LIFR: variants seen among roughly 807,000 people sequenced by gnomAD.
The protein encoded by LIFR is LIF receptor subunit alpha, also known as leukemia inhibitory factor receptor.
Under a neutral mutation model 122.2 loss-of-function variants are expected in LIFR, and 84 were observed. The observed-to-expected ratio is 0.69, with a 90% confidence interval of 0.58 to 0.82. The LOEUF (loss-of-function observed/expected upper bound fraction) is 0.82, where lower values mean the gene tolerates loss of function less well. Ranked by LOEUF, LIFR falls within the 40% of genes least tolerant of loss-of-function variation. The pLI, the probability that LIFR is intolerant of heterozygous loss-of-function variation, is 0.00. For synonymous variants in LIFR, 422 were observed against 434.7 expected (o/e 0.97, Z 0.36); for missense variants, 1,294 against 1,311.6 (o/e 0.99, Z 0.21).
chr5:38,484,095 A>T (rs1744143725), intron 18 of LIFR, among the ~76,000 whole-genome samples: 1 of 152,158 alleles, frequency 6.6e-6, no homozygotes, highest in South Asian at 2.1e-4. Flanking sequence ...AGAAATAATT[A>T]TCTGTCTGTA....
chr5:38,537,666 T>TA (rs56153135), intron 1 of LIFR, among the ~76,000 whole-genome samples: 145,311 of 150,210 alleles, frequency 0.97, 70,311 homozygotes, highest in East Asian at 1. Flanking sequence ...GGATTGTCTT[T>TA]AAAAAAAAAA....
At chr5:38,525,472 A>G (rs1746630728) in intron 4 of LIFR, among the ~76,000 whole-genome samples, 1 of 152,208 alleles carries the variant, frequency 6.6e-6, no homozygotes, top group African/African-American at 2.4e-5. Flanking sequence ...ACCAATACAC[A>G]TTAATCTCGG....
chr5:38,534,330 G>A lies in LIFR; in HGVS notation c.-19-3664C>T, dbSNP rs111849661. On this transcript the variant is annotated intron_variant, in intron 1 of 19. Coordinates refer to ENST00000453190, the MANE Select transcript of LIFR (RefSeq NM_001127671.2). ...CATTGTGTTATTGAAGTGAAGTGTA[G>A]GGGCTCTTCAAGTTAAAAGAAAGAA... Among the ~76,000 whole-genome samples the A allele has an allele frequency of 3.5e-3, 537 of 152,278 alleles. 2 individuals are homozygous for A. The highest frequency in any genetic ancestry group is 5.8e-3 in the Non-Finnish European group (392 of 68,022).
intron 14 of LIFR, among the ~76,000 whole-genome samples, chr5:38,491,550 T>G (rs189946889): frequency 1.9e-3 from 282 of 152,312 alleles, no homozygotes; most frequent in African/African-American, 6.4e-3. Context: ...CAGGGGGGAT[T>G]GGCAGCATAT....
chr5:38,485,000 G>A, intron 17 of LIFR, 132 bp from the exon 18 acceptor site: 3 of 663,596 alleles, frequency 4.5e-6, no homozygotes, highest in Non-Finnish European at 8.3e-6. Context: ...CAGGGACACT[G>A]AAAAACTATT....
intron 5 of LIFR, among the ~76,000 whole-genome samples, chr5:38,515,915 A>T (rs1193431907): frequency 6.6e-6 from 1 of 152,178 alleles, no homozygotes; most frequent in African/African-American, 2.4e-5. Context: ...TTGATTTTTA[A>T]ATTATTATAA....
chr5:38,485,540 TTAGA>T (rs1744240578), intron 17 of LIFR: 1 of 469,828 alleles, frequency 2.1e-6, no homozygotes, highest in Non-Finnish European at 3.8e-6. Context: ...ATGTTGACCG[TTAGA>T]TAAATTCAAT....
At position 38,550,526 on chromosome 5, in the gene LIFR, T is replaced by A. The variant is rs369622746; in HGVS notation, c.-20+5808A>T. Among the ~76,000 whole-genome samples, 11 of 152,342 alleles carry A rather than the reference T, an allele frequency of 7.2e-5. No individual in the cohort carries two copies. In the South Asian group the frequency reaches 2.1e-3, roughly 29 times the overall value. ...AAGAGTTTGGGTTTTAATAGCAACATGCTCTATTTTTCTAACAAGAAACTC... is the reference window on the plus strand; with the variant it reads ...AAGAGTTTGGGTTTTAATAGCAACAAGCTCTATTTTTCTAACAAGAAACTC... On this transcript the variant is annotated intron_variant, in intron 1 of 19. Coordinates refer to ENST00000453190, the MANE Select transcript of LIFR (RefSeq NM_001127671.2).
In LIFR at chr5:38,506,609, G is replaced by C. The variant is rs1305567232; in HGVS notation, c.1015C>G (p.Leu339Val). The C allele has an allele frequency of 6.2e-7, 1 of 1,613,286 alleles. No homozygotes were observed. The highest frequency in any genetic ancestry group is 1.3e-5 in the African/African-American group (1 of 74,996). The change falls in exon 8 of 20, where the codon CTG becomes GTG. Residue 339 changes from leucine (L) to valine (V), a missense_variant. Leu to Val is a conservative substitution (Grantham distance 32). Transcript: ENST00000453190. ...TTTAAATCATGTGTCTCACAATTCAGTTGTTGAGGAGTATCTGGTGGATCT... is the reference window on the plus strand; with the variant it reads ...TTTAAATCATGTGTCTCACAATTCACTTGTTGAGGAGTATCTGGTGGATCT... ...AGYPPDTPQQ[L>V]NCETHDLKEI...
Position 38,493,701 on chromosome 5 carries a change from T to A in LIFR, c.1970A>T (p.Tyr657Phe). The change falls in exon 14 of 20, where the codon TAC becomes TTC. Residue 657 changes from tyrosine to phenylalanine, a missense_variant. Transcript: ENST00000453190. ...AGACGAGTTACACCACTTAATGACGTAGTCGCAAGTCATGTTGGGGTCGTA... is the reference window on the plus strand; with the variant it reads ...AGACGAGTTACACCACTTAATGACGAAGTCGCAAGTCATGTTGGGGTCGTA... The part of the protein sequence containing the change: ...WHYDPNMTCD[Y>F]VIKWCNSSRS... 1 of 1,614,178 alleles carries A rather than the reference T, an allele frequency of 6.2e-7. No homozygotes were observed. Among genetic ancestry groups the A allele is most frequent in the Non-Finnish European group, 8.5e-7 (1 of 1,180,020 alleles).
Position 38,493,679 on chromosome 5 carries a change from C to A in LIFR, c.1992G>T (p.Ser664=), listed in dbSNP as rs142392717. The A allele has an allele frequency of 6.2e-7, 1 of 1,614,168 alleles. No homozygotes were observed. The change falls in exon 14 of 20, where the codon TCG becomes TCT. Residue 664 remains serine (S), a synonymous_variant. Transcript: ENST00000453190. The part of the protein sequence containing the change: ...TCDYVIKWCN[S]SRSEPCLMDW... ...CCATAAGGCATGGTTCCGACCGAGA[C>A]GAGTTACACCACTTAATGACGTAGT... is the stretch of plus-strand genomic sequence containing the variant.
upstream of LIFR, among the ~76,000 whole-genome samples, chr5:38,596,218 G>A (rs980857176): frequency 2.6e-5 from 4 of 152,152 alleles, no homozygotes; most frequent in African/African-American, 9.7e-5. Context: ...TCATGGACCA[G>A]TTGCACCCAA....
intron 1 of LIFR, among the ~76,000 whole-genome samples, chr5:38,548,442 TG>T (rs1470205509): frequency 1.3e-5 from 2 of 152,228 alleles, no homozygotes; most frequent in Admixed American, 6.5e-5. Context: ...GAGAACTACT[TG>T]ATACTTAACT....
At chr5:38,567,512 T>TTATTTATTTATA (rs1749063194) in intron 1 of LIFR, among the ~76,000 whole-genome samples, 1 of 146,444 alleles carries the variant, frequency 6.8e-6, no homozygotes, top group Admixed American at 6.9e-5. Context: ...ATTTATTTAT[T>TTATTTATTTATA]TATTTATTTA....
Position 38,542,737 on chromosome 5 carries a change from C to G in LIFR, c.-19-12071G>C, listed in dbSNP as rs1312116567. Among the ~76,000 whole-genome samples, 4 of 152,112 alleles carry G rather than the reference C, an allele frequency of 2.6e-5. No individual in the cohort carries two copies. The South Asian group carries it at 8.3e-4, about 32-fold the overall frequency. ...AAACATGTCAGGCTCTGTGGTGCCTCAGTGTTCCCGCACAGACAGATCATC... is the reference window on the plus strand; with the variant it reads ...AAACATGTCAGGCTCTGTGGTGCCTGAGTGTTCCCGCACAGACAGATCATC... On this transcript the variant is annotated intron_variant, in intron 1 of 19. Transcript: ENST00000453190.
chr5:38,516,329 T>C (rs1440595950), intron 5 of LIFR, among the ~76,000 whole-genome samples: 1 of 152,152 alleles, frequency 6.6e-6, no homozygotes, highest in African/African-American at 2.4e-5. Context: ...AAAGGGCTAA[T>C]ATCCAGAATC....
intron 2 of LIFR, among the ~76,000 whole-genome samples, 176 bp downstream of exon 2, chr5:38,530,330 C>T (rs992699001): frequency 6.6e-6 from 1 of 151,800 alleles, no homozygotes; most frequent in African/African-American, 2.4e-5. Context: ...ATATTTTGAT[C>T]TATCATTAAG....
chr5:38,543,549 A>G (rs1411181851), intron 1 of LIFR, among the ~76,000 whole-genome samples: 1 of 152,240 alleles, frequency 6.6e-6, no homozygotes, highest in African/African-American at 2.4e-5. Flanking sequence ...GGTAGGCTCC[A>G]TTCAAGCACT....
Position 38,493,697 on chromosome 5 carries a change from G to GTA in LIFR, c.1973_1974insTA (p.Ile659ThrfsTer28). On this transcript the variant is annotated frameshift_variant, in exon 14 of 20. Coordinates refer to ENST00000453190, the MANE Select transcript of LIFR (RefSeq NM_001127671.2). LOFTEE classifies it high-confidence loss of function. ...ACCGAGACGAGTTACACCACTTAAT[G>GTA]ACGTAGTCGCAAGTCATGTTGGGGT... 1 of 1,614,136 alleles carries GTA rather than the reference G, an allele frequency of 6.2e-7. No individual in the cohort carries two copies. The highest frequency in any genetic ancestry group is 8.5e-7 in the Non-Finnish European group (1 of 1,179,992).
Sources: allele counts gnomAD v4.1 joint callset (sites outside exome capture counted in the v4.1 genomes callset), GRCh38; gene constraint gnomAD v4.1.1; transcripts MANE v1.5; gene names NCBI Gene and HGNC (gene_info 2026-07-23, HGNC 2026-07-21).